Variants in CTNNBIP1 observed in about 807,000 individuals in gnomAD.
CTNNBIP1 encodes beta-catenin-interacting protein 1.
A neutral mutation model predicts 11.8 loss-of-function variants in CTNNBIP1; 7 were observed. The observed-to-expected ratio is 0.60, with a 90% CI of 0.34 to 1.12. CTNNBIP1 has a LOEUF of 1.12. CTNNBIP1 is among the 50% of genes most tolerant of loss of function. The pLI is 0.03. For missense variants in CTNNBIP1, 101 were observed against 113.4 expected (o/e 0.89, Z 0.50); for synonymous variants, 58 against 43.9 (o/e 1.32, Z -1.26).
intron 2 of CTNNBIP1, among the ~76,000 whole-genome samples, chr1:9,881,521 G>A (rs7545736): frequency 0.035 from 5,284 of 151,758 alleles, 293 homozygotes; most frequent in African/African-American, 0.12. Flanking sequence ...TGTATTTTAA[G>A]TAGAGACGGA....
At position 9,879,081 on chromosome 1, in the gene CTNNBIP1, C is replaced by T. The variant is rs1806871; in HGVS notation, c.-109-1092G>A. Among the ~76,000 whole-genome samples, 46 of 152,120 alleles carry T rather than the reference C, an allele frequency of 3.0e-4. 1 individual carries two copies. The South Asian group carries it at 9.6e-3, about 32-fold the overall frequency. On this transcript the variant is annotated intron_variant, in intron 2 of 5. Coordinates refer to ENST00000377263, the MANE Select transcript of CTNNBIP1 (RefSeq NM_020248.3). ...ACGTGGTGGCGGGCGCCTGTAATCC[C>T]AGCTACTTGGGAGGCTGAGGCAGGA... is the stretch of plus-strand genomic sequence containing the variant.
intron 5 of CTNNBIP1, among the ~76,000 whole-genome samples, chr1:9,865,701 A>T (rs186260638): frequency 6.8e-4 from 103 of 152,348 alleles, no homozygotes; most frequent in African/African-American, 2.4e-3. Context: ...CATGTTTGTG[A>T]AAGGATGACA....
At chr1:9,890,000 A>G (rs1232674086) in intron 1 of CTNNBIP1, among the ~76,000 whole-genome samples, 1 of 152,320 alleles carries the variant, frequency 6.6e-6, no homozygotes, top group East Asian at 1.9e-4. Flanking sequence ...CAGCCTTTGC[A>G]TGGCCTCACT....
At chr1:9,884,915 G>C (rs550984553) in intron 1 of CTNNBIP1, among the ~76,000 whole-genome samples, 1 of 152,130 alleles carries the variant, frequency 6.6e-6, no homozygotes, top group South Asian at 2.1e-4. Context: ...GGCCAGCACT[G>C]GGGTGGGGCT....
chr1:9,892,727 G>T (rs542807016), intron 1 of CTNNBIP1, among the ~76,000 whole-genome samples: 5 of 152,272 alleles, frequency 3.3e-5, no homozygotes, highest in Non-Finnish European at 5.9e-5. Flanking sequence ...GTGCTACAGA[G>T]GCCAGGGTTC....
chr1:9,852,601 G>T (rs567779363), intron 5 of CTNNBIP1, among the ~76,000 whole-genome samples: 6 of 152,324 alleles, frequency 3.9e-5, no homozygotes, highest in Non-Finnish European at 7.3e-5. Flanking sequence ...CAGAATCCAA[G>T]ATTACATCAT....
At chr1:9,866,204 C>A (rs1472986401) in intron 5 of CTNNBIP1, among the ~76,000 whole-genome samples, 1 of 152,118 alleles carries the variant, frequency 6.6e-6, no homozygotes, top group Non-Finnish European at 1.5e-5. Flanking sequence ...GAGGGCCTGG[C>A]CCAGGTTGCA....
chr1:9,900,435 T>G (rs996732608), intron 1 of CTNNBIP1, among the ~76,000 whole-genome samples: 55 of 152,164 alleles, frequency 3.6e-4, no homozygotes, highest in Admixed American at 3.5e-3. Flanking sequence ...AAGAACACCC[T>G]TCATCTGAGT....
At chr1:9,853,895 A>G (rs531956963) in intron 5 of CTNNBIP1, among the ~76,000 whole-genome samples, 5 of 145,524 alleles carry the variant, frequency 3.4e-5, no homozygotes, top group African/African-American at 1.4e-4. Context: ...CATACCCAAC[A>G]AAATGCTAGC....
chr1:9,880,766 A>T (rs1311646712), intron 2 of CTNNBIP1, among the ~76,000 whole-genome samples: 1 of 152,204 alleles, frequency 6.6e-6, no homozygotes, highest in Non-Finnish European at 1.5e-5. Context: ...TCCATGTAAG[A>T]CAGTAAGCAC....
At chr1:9,902,950 A>G (rs934563412) in intron 1 of CTNNBIP1, among the ~76,000 whole-genome samples, 5 of 152,038 alleles carry the variant, frequency 3.3e-5, no homozygotes, top group African/African-American at 9.7e-5. Context: ...TATTTTTAGT[A>G]AAGACGGGGT....
intron 2 of CTNNBIP1, among the ~76,000 whole-genome samples, chr1:9,878,523 A>G (rs1033949198): frequency 6.6e-6 from 1 of 152,226 alleles, no homozygotes; most frequent in African/African-American, 2.4e-5. Context: ...CTAGAAACAC[A>G]CGAAAAGCAC....
intron 5 of CTNNBIP1, among the ~76,000 whole-genome samples, chr1:9,863,547 G>C (rs1003264587): frequency 6.6e-6 from 1 of 152,186 alleles, no homozygotes; most frequent in African/African-American, 2.4e-5. Context: ...AGGAGGAGCT[G>C]CTCCAGCAGC....
At chr1:9,864,039 G>A (rs1489931653) in intron 5 of CTNNBIP1, among the ~76,000 whole-genome samples, 2 of 152,228 alleles carry the variant, frequency 1.3e-5, no homozygotes, top group Admixed American at 6.5e-5. Flanking sequence ...TAGGCTCTCT[G>A]GCAGCAGATC....
intron 5 of CTNNBIP1, among the ~76,000 whole-genome samples, chr1:9,864,722 A>G (rs537684846): frequency 6.6e-6 from 1 of 152,346 alleles, no homozygotes; most frequent in African/African-American, 2.4e-5. Context: ...AGAGGCCTGG[A>G]ACTGTACTTG....
At chr1:9,877,402 T>C (rs939636896) in intron 3 of CTNNBIP1, among the ~76,000 whole-genome samples, 2 of 152,214 alleles carry the variant, frequency 1.3e-5, no homozygotes, top group Non-Finnish European at 2.9e-5. Flanking sequence ...CACATTTATC[T>C]ATGTTAGAAT....
At chr1:9,905,872 T>C (rs1570604763) in intron 1 of CTNNBIP1, among the ~76,000 whole-genome samples, 2 of 152,182 alleles carry the variant, frequency 1.3e-5, no homozygotes, top group Admixed American at 6.5e-5. Flanking sequence ...GCCTAGCACA[T>C]AGGTGCTCAA....
At position 9,888,630 on chromosome 1, in the gene CTNNBIP1, A is replaced by C. The variant is rs545470199; in HGVS notation, c.-143-4892T>G. Among the ~76,000 whole-genome samples, 139 of 152,182 alleles carry C rather than the reference A, an allele frequency of 9.1e-4. 1 individual carries two copies. Among genetic ancestry groups the C allele is most frequent in the African/African-American group, 3.2e-3 (132 of 41,544 alleles). On this transcript the variant is annotated intron_variant, in intron 1 of 5. Coordinates refer to ENST00000377263, the MANE Select transcript of CTNNBIP1 (RefSeq NM_020248.3). ...TCTGTCTACACACAGTGCCATCTGC[A>C]TCGCATCCCAGACCACCCCATGTTA...
chr1:9,902,916 C>T (rs910675495), intron 1 of CTNNBIP1, among the ~76,000 whole-genome samples: 3 of 152,188 alleles, frequency 2.0e-5, no homozygotes, highest in Non-Finnish European at 4.4e-5. Flanking sequence ...CAGGTGCGTA[C>T]CACCACGCCA....
Sources: allele counts gnomAD v4.1 joint callset (sites outside exome capture counted in the v4.1 genomes callset), GRCh38; gene constraint gnomAD v4.1.1; transcripts MANE v1.5; gene names NCBI Gene and HGNC (gene_info 2026-07-23, HGNC 2026-07-21).